The following GRIN3A variants were observed in gnomAD, a reference collection of about 807,000 sequenced individuals.
GRIN3A encodes glutamate ionotropic receptor NMDA type subunit 3A, also known as glutamate receptor ionotropic, NMDA 3A.
Under a neutral mutation model 92.4 loss-of-function variants are expected in GRIN3A, and 47 were observed. That is an observed-to-expected ratio of 0.51 (90% CI 0.40 to 0.65). GRIN3A has a LOEUF of 0.65. GRIN3A is among the 30% of genes least tolerant of loss of function. The pLI is 0.00. For missense variants in GRIN3A, 1,324 were observed against 1,393.1 expected, an observed-to-expected ratio of 0.95 and a Z score of 0.79; for synonymous variants, 527 against 540.6, an observed-to-expected ratio of 0.97 and a Z score of 0.35.
intron 6 of GRIN3A, chr9:101,594,684 AG>A: frequency 6.2e-7 from 1 of 1,614,152 alleles, no homozygotes. Flanking sequence ...CTGAACTGGG[AG>A]GTCCCCAGGA....
At chr9:101,678,382 AAGG>A (rs1443004731) in intron 2 of GRIN3A, among the ~76,000 whole-genome samples, 3 of 152,138 alleles carry the variant, frequency 2.0e-5, no homozygotes, top group African/African-American at 7.2e-5. Context: ...CTCTGATGAG[AAGG>A]AGTTTAATAG....
intron 1 of GRIN3A, among the ~76,000 whole-genome samples, chr9:101,698,125 T>C (rs1829705680): frequency 1.3e-5 from 2 of 152,224 alleles, no homozygotes; most frequent in South Asian, 2.1e-4. Context: ...ATTACTAATA[T>C]AGTTAATGCA....
intron 1 of GRIN3A, among the ~76,000 whole-genome samples, chr9:101,727,613 C>G (rs1432533963): frequency 6.6e-6 from 1 of 151,972 alleles, no homozygotes; most frequent in East Asian, 1.9e-4. Context: ...AGATATCTTA[C>G]TTTATAGTTG....
chr9:101,635,306 A>G (rs1266397861), intron 3 of GRIN3A, among the ~76,000 whole-genome samples: 1 of 152,218 alleles, frequency 6.6e-6, no homozygotes, highest in Non-Finnish European at 1.5e-5. Flanking sequence ...GTTTTTGTCA[A>G]TCAAGTTTTA....
In GRIN3A at chr9:101,670,982, A is replaced by T. The variant is rs771699119; in HGVS notation, c.1430T>A (p.Met477Lys). 6.2e-7 allele frequency: 1 copy of T among 1,614,000 alleles called. No individual in the cohort carries two copies. Among genetic ancestry groups the T allele is most frequent in the South Asian group, 1.1e-5 (1 of 91,082 alleles). The change falls in exon 3 of 9, where the codon ATG (methionine) becomes AAG (lysine). Residue 477 changes from methionine to lysine, a missense_variant. Met to Lys is a moderately conservative substitution (Grantham distance 95). Coordinates refer to ENST00000361820, the MANE Select transcript of GRIN3A (RefSeq NM_133445.3). ...CTGCCAGCTGCCCAAGCGGGTCCACATTGGCTTTCCCATGGGGTCATGTTG... is the reference window on the plus strand; with the variant it reads ...CTGCCAGCTGCCCAAGCGGGTCCACTTTGGCTTTCCCATGGGGTCATGTTG... ...NLQHDPMGKP[M>K]WTRLGSWQGG...
rs1471092070 is a variant in GRIN3A, at chr9:101,703,769, G to C, written c.700-16569C>G. On this transcript the variant is annotated intron_variant, in intron 1 of 8. Transcript: ENST00000361820. ...GAAATTGTCCTTGTGGAATTGTTTTGGGGGCTTATTATTTATTATCGTTAC... is the reference window on the plus strand; with the variant it reads ...GAAATTGTCCTTGTGGAATTGTTTTCGGGGCTTATTATTTATTATCGTTAC... Among the ~76,000 whole-genome samples, 2 of 152,112 alleles carry C rather than the reference G, an allele frequency of 1.3e-5. 1 individual carries two copies. Among genetic ancestry groups the C allele is most frequent in the South Asian group, 4.1e-4 (2 of 4,826 alleles).
In GRIN3A at chr9:101,571,402, GA is replaced by G. The variant is rs1827758608; in HGVS notation, c.*1771del. The G allele has an allele frequency of 6.6e-6, 1 of 152,184 alleles. No homozygotes were observed. Among genetic ancestry groups the G allele is most frequent in the Admixed American group, 6.5e-5 (1 of 15,278 alleles). The allele number at this position is 152,184 out of a possible 1,614,324, so 9.4% of individuals were successfully genotyped here. A position where few individuals can be genotyped will look rare whatever the true frequency, so the allele number is the denominator to read the frequency against. ...GACATTTCATCCAGTAGTAGAGGGA[GA>G]AGTTTTGTGACTGAGACACCTTTCC... On this transcript the variant is annotated 3_prime_UTR_variant, in exon 9 of 9. Coordinates refer to ENST00000361820, the MANE Select transcript of GRIN3A (RefSeq NM_133445.3).
At chr9:101,579,001 T>A (rs1827858833) in intron 7 of GRIN3A, among the ~76,000 whole-genome samples, 195 bp downstream of exon 7, 1 of 152,202 alleles carries the variant, frequency 6.6e-6, no homozygotes, top group South Asian at 2.1e-4. Flanking sequence ...GAAGGAGCAC[T>A]GTGGGATGCC....
At chr9:101,573,654 A>G in intron 8 of GRIN3A, 141 bp from the exon 9 acceptor site, 1 of 717,208 alleles carries the variant, frequency 1.4e-6, no homozygotes, top group Non-Finnish European at 2.5e-6. Flanking sequence ...TGGACAGACT[A>G]CCTGCTAGGG....
intron 6 of GRIN3A, among the ~76,000 whole-genome samples, chr9:101,586,899 G>A (rs1827956874): frequency 6.6e-6 from 1 of 152,188 alleles, no homozygotes; most frequent in Non-Finnish European, 1.5e-5. Context: ...TAGTCCCCTA[G>A]TTCCTGCACT....
At chr9:101,584,544 G>A (rs1827926664) in intron 6 of GRIN3A, among the ~76,000 whole-genome samples, 2 of 152,198 alleles carry the variant, frequency 1.3e-5, no homozygotes, top group Non-Finnish European at 2.9e-5. Context: ...GATATTAAAT[G>A]TCTACAGGTG....
At chr9:101,678,318 T>C (rs555625182) in intron 2 of GRIN3A, among the ~76,000 whole-genome samples, 1 of 152,270 alleles carries the variant, frequency 6.6e-6, no homozygotes, top group East Asian at 1.9e-4. Context: ...CAATACATTT[T>C]CCTCCTGAAT....
At chr9:101,700,616 AATT>A (rs1324379076) in intron 1 of GRIN3A, among the ~76,000 whole-genome samples, 21 of 152,196 alleles carry the variant, frequency 1.4e-4, no homozygotes, top group East Asian at 3.8e-4. Flanking sequence ...TTCATAATAC[AATT>A]ATTATGAATT....
chr9:101,619,925 T>C (rs888702435), intron 5 of GRIN3A, among the ~76,000 whole-genome samples: 2 of 152,228 alleles, frequency 1.3e-5, no homozygotes, highest in Non-Finnish European at 2.9e-5. Context: ...ACCAAAGACT[T>C]TCCACATGCT....
At chr9:101,735,459 T>C (rs1375056963) in intron 1 of GRIN3A, among the ~76,000 whole-genome samples, 5 of 151,798 alleles carry the variant, frequency 3.3e-5, no homozygotes, top group Admixed American at 3.3e-4. Flanking sequence ...TTCATGGTTT[T>C]TCTGGTCCCC....
At chr9:101,726,281 T>C (rs1188369542) in intron 1 of GRIN3A, among the ~76,000 whole-genome samples, 1 of 152,178 alleles carries the variant, frequency 6.6e-6, no homozygotes, top group Non-Finnish European at 1.5e-5. Flanking sequence ...CTAAGTCCTA[T>C]CATAAGAACC....
rs1481177061 is a variant in GRIN3A at position 101,737,972 on chromosome 9, C to G, written c.8G>C (p.Arg3Thr). 5 of 1,535,130 alleles carry G rather than the reference C, an allele frequency of 3.3e-6. No homozygotes were observed. Among genetic ancestry groups the G allele is most frequent in the Non-Finnish European group, 4.4e-6 (5 of 1,147,218 alleles). ...GCTCAGCAGCCACCACAAACTCAGTCTCCTCATTACTGAGACCCGCAGGGA... is the reference window on the plus strand; with the variant it reads ...GCTCAGCAGCCACCACAAACTCAGTGTCCTCATTACTGAGACCCGCAGGGA... Reference protein sequence around the residue: MRRLSLWWLLSRV... With the variant: MRTLSLWWLLSRV... The change falls in exon 1 of 9, where the codon AGA becomes ACA. Residue 3 changes from arginine to threonine, a missense_variant. By Grantham distance (71) the Arg-to-Thr change is moderately conservative (BLOSUM62 -1). Transcript: ENST00000361820.
intron 6 of GRIN3A, among the ~76,000 whole-genome samples, chr9:101,585,655 G>A (rs1029510680): frequency 1.3e-5 from 2 of 152,100 alleles, no homozygotes; most frequent in East Asian, 3.9e-4. Flanking sequence ...CAAATATGGT[G>A]GAACCGACCT....
At chr9:101,662,291 G>C (rs1829181286) in intron 3 of GRIN3A, among the ~76,000 whole-genome samples, 1 of 151,594 alleles carries the variant, frequency 6.6e-6, no homozygotes, top group Non-Finnish European at 1.5e-5. Context: ...ATGGGTGGGG[G>C]GAATGATTGT....
Sources: allele counts gnomAD v4.1 joint callset (sites outside exome capture counted in the v4.1 genomes callset), GRCh38; gene constraint gnomAD v4.1.1; transcripts MANE v1.5; gene names NCBI Gene and HGNC (gene_info 2026-07-23, HGNC 2026-07-21).